Variants in TSN observed in about 807,000 individuals in gnomAD.
TSN encodes translin, also known as component 3 of promoter of RISC.
Under a neutral mutation model 29.4 loss-of-function variants are expected in TSN, and 5 were observed. The observed-to-expected ratio is 0.17, with a 90% CI of 0.09 to 0.36. The LOEUF (loss-of-function observed/expected upper bound fraction) is 0.36. Among genes scored for constraint, TSN ranks in the 10% least tolerant of loss-of-function variants. The probability of loss-of-function intolerance (pLI) is 1.00; values close to 1 mark genes in which losing one functional copy is unlikely to be tolerated. For missense variants in TSN, 159 were observed against 272.8 expected (o/e 0.58, Z 2.94); for synonymous variants, 106 against 102.2 (o/e 1.04, Z -0.23).
chr2:121,757,966 C>A (rs1304524935), intron 2 of TSN, among the ~76,000 whole-genome samples: 1 of 151,792 alleles, frequency 6.6e-6, no homozygotes, highest in Non-Finnish European at 1.5e-5. Flanking sequence ...GCACCTGGCC[C>A]AAGGGTTTGT....
At chr2:121,757,531 C>T (rs2074767663) in intron 2 of TSN, 198 bp downstream of exon 2, 3 of 1,036,242 alleles carry the variant, frequency 2.9e-6, no homozygotes, top group Non-Finnish European at 4.2e-6. Context: ...TTTTCTATTG[C>T]GAGGGCATTC....
intron 4 of TSN, 134 bp downstream of exon 4, chr2:121,761,658 C>G: frequency 1.5e-6 from 1 of 687,790 alleles, no homozygotes. Context: ...AGCTTGGTAT[C>G]TGAGGATGAT....
rs2074913569 is a variant in TSN, at chr2:121,767,194, A to AC, written c.*1827_*1828insC. On this transcript the variant is annotated 3_prime_UTR_variant, in exon 6 of 6. Coordinates refer to ENST00000389682, the MANE Select transcript of TSN (RefSeq NM_004622.3). ...TGGAGAAGCACACTCTGGTCTTGGAATTCCATTTGAGGATTTAGAAGTGTC... is the reference window on the plus strand; with the variant it reads ...TGGAGAAGCACACTCTGGTCTTGGAACTTCCATTTGAGGATTTAGAAGTGTC... The AC allele has an allele frequency of 6.6e-6, 1 of 152,204 alleles. No homozygotes were observed. The highest frequency in any genetic ancestry group is 2.1e-4 in the South Asian group (1 of 4,836). The allele number at this position is 152,204 out of a possible 1,614,324, so 9.4% of individuals were successfully genotyped here.
Position 121,757,270 on chromosome 2 carries a change from C to A in TSN, c.97C>A (p.Gln33Lys). Residue 33 changes from glutamine to lysine, a missense_variant, in exon 2 of 6, where the codon CAA (glutamine) becomes AAA (lysine). Gln to Lys is a moderately conservative substitution (Grantham distance 53). Coordinates refer to ENST00000389682, the MANE Select transcript of TSN (RefSeq NM_004622.3). ...CAGAAAAGTTGTACAGAGTTTAGAA[C>A]AAACAGCTCGAGAGATTTTAACTCT... ...EIRKVVQSLE[Q>K]TAREILTLLQ... 1 of 1,614,078 alleles carries A rather than the reference C, an allele frequency of 6.2e-7. No individual in the cohort carries two copies. The highest frequency in any genetic ancestry group is 8.5e-7 in the Non-Finnish European group (1 of 1,179,984).
intron 4 of TSN, among the ~76,000 whole-genome samples, 155 bp from the exon 5 acceptor site, chr2:121,762,850 A>C (rs1404602754): frequency 6.6e-6 from 1 of 152,252 alleles, no homozygotes; most frequent in Non-Finnish European, 1.5e-5. Context: ...ATCCATAGTG[A>C]GGTCTAGTTG....
intron 3 of TSN, among the ~76,000 whole-genome samples, chr2:121,760,819 A>G (rs1197260037): frequency 6.6e-6 from 1 of 151,440 alleles, no homozygotes; most frequent in Non-Finnish European, 1.5e-5. Flanking sequence ...GATTAAATTT[A>G]GAAGGCACAA....
chr2:121,756,023 C>T (rs1328537726), intron 1 of TSN, 178 bp downstream of exon 1: 43 of 1,323,070 alleles, frequency 3.3e-5, no homozygotes, highest in Non-Finnish European at 4.3e-5. Context: ...CTGCTCTGTC[C>T]TGATTCCCCG....
At chr2:121,760,343 T>C (rs2074807607) in intron 3 of TSN, among the ~76,000 whole-genome samples, 1 of 152,184 alleles carries the variant, frequency 6.6e-6, no homozygotes, top group Non-Finnish European at 1.5e-5. Context: ...TTGTCTTCCA[T>C]GAAACCAGTC....
chr2:121,758,283 C>A (rs1027276981), intron 2 of TSN, among the ~76,000 whole-genome samples: 1 of 152,182 alleles, frequency 6.6e-6, no homozygotes, highest in East Asian at 1.9e-4. Context: ...TTTACACGTG[C>A]CAGAGGCAAG....
In TSN at chr2:121,767,381, A is replaced by C. The variant is rs997684893; in HGVS notation, c.*2014A>C. 6.6e-6 allele frequency: 1 copy of C among 152,180 alleles called. No individual in the cohort carries two copies. Among genetic ancestry groups the C allele is most frequent in the Non-Finnish European group, 1.5e-5 (1 of 68,032 alleles). 9.4% of individuals were successfully genotyped at this position (152,180 alleles called of 1,614,324 possible). A position where few individuals can be genotyped will look rare whatever the true frequency, so the allele number is the denominator to read the frequency against. Reference sequence around the variant, plus strand: ...TAAAGAAGACCGGGGTGACAAGCAGATACTGCTGTGTAATGGTTACACTAA... The same window carrying C: ...TAAAGAAGACCGGGGTGACAAGCAGCTACTGCTGTGTAATGGTTACACTAA... On this transcript the variant is annotated 3_prime_UTR_variant, in exon 6 of 6. Transcript: ENST00000389682.
chr2:121,755,726 T>TC lies in TSN; in HGVS notation c.-52dup. ...TTGATTGCGCTGGTTGCCTGCGGCGTCCACTTCCTTGGCCGCCCTTGCTAC... is the reference window on the plus strand; with the variant it reads ...TTGATTGCGCTGGTTGCCTGCGGCGTCCCACTTCCTTGGCCGCCCTTGCTAC... On this transcript the variant is annotated 5_prime_UTR_variant, in exon 1 of 6. Coordinates refer to ENST00000389682, the MANE Select transcript of TSN (RefSeq NM_004622.3). 3 of 1,604,940 alleles carry TC rather than the reference T, an allele frequency of 1.9e-6. No individual in the cohort carries two copies. Among genetic ancestry groups the TC allele is most frequent in the Non-Finnish European group, 2.6e-6 (3 of 1,176,318 alleles).
At position 121,755,721 on chromosome 2, in the gene TSN, C is replaced by T. The variant is rs978490538; in HGVS notation, c.-59C>T. 6.3e-6 allele frequency: 10 copies of T among 1,599,890 alleles called. No individual in the cohort carries two copies. The highest frequency in any genetic ancestry group is 4.0e-5 in the African/African-American group (3 of 74,750). The stretch of plus-strand genomic sequence containing the variant: ...TGCGATTGATTGCGCTGGTTGCCTG[C>T]GGCGTCCACTTCCTTGGCCGCCCTT... On this transcript the variant is annotated 5_prime_UTR_variant, in exon 1 of 6. Transcript: ENST00000389682.
At chr2:121,759,484 T>C (rs2074792011) in intron 3 of TSN, among the ~76,000 whole-genome samples, 1 of 152,108 alleles carries the variant, frequency 6.6e-6, no homozygotes, top group Non-Finnish European at 1.5e-5. Flanking sequence ...GGCTTATCCC[T>C]GTAACCCCAG....
Position 121,763,102 on chromosome 2 carries a change from C to A in TSN, c.453+18C>A. On this transcript the variant is annotated intron_variant, in intron 5 of 5. Transcript: ENST00000389682. ...GTGAACTGGTAAGCTCAGTAACTTG[C>A]TGGTTGCTTTTTTGATCTTTCTGCT... is the stretch of plus-strand genomic sequence containing the variant. 2 of 1,429,706 alleles carry A rather than the reference C, an allele frequency of 1.4e-6. No individual in the cohort carries two copies. Among genetic ancestry groups the A allele is most frequent in the South Asian group, 1.3e-5 (1 of 78,166 alleles). 88.6% of individuals were successfully genotyped at this position (1,429,706 alleles called of 1,614,324 possible). A position where few individuals can be genotyped will look rare whatever the true frequency, so the allele number is the denominator to read the frequency against.
chr2:121,757,003 C>G (rs1047504044), intron 1 of TSN, among the ~76,000 whole-genome samples: 1 of 152,056 alleles, frequency 6.6e-6, no homozygotes, highest in Non-Finnish European at 1.5e-5. Flanking sequence ...CACACGTCAT[C>G]CATTATAATG....
rs1384792196 is a variant in TSN at position 121,755,748 on chromosome 2, C to T, written c.-32C>T. 1 of 1,612,236 alleles carries T rather than the reference C, an allele frequency of 6.2e-7. No homozygotes were observed. Among genetic ancestry groups the T allele is most frequent in the Non-Finnish European group, 8.5e-7 (1 of 1,179,960 alleles). On this transcript the variant is annotated 5_prime_UTR_variant, in exon 1 of 6. Coordinates refer to ENST00000389682, the MANE Select transcript of TSN (RefSeq NM_004622.3). ...GCGTCCACTTCCTTGGCCGCCCTTGCTACACTGGCTGATTGTTGTGCAGCC... is the reference window on the plus strand; with the variant it reads ...GCGTCCACTTCCTTGGCCGCCCTTGTTACACTGGCTGATTGTTGTGCAGCC...
At chr2:121,762,736 A>C (rs2074849597) in intron 4 of TSN, among the ~76,000 whole-genome samples, 1 of 152,160 alleles carries the variant, frequency 6.6e-6, no homozygotes, top group Non-Finnish European at 1.5e-5. Context: ...ATGCTTTATC[A>C]TGTGCTTTCT....
chr2:121,761,869 G>A (rs575331774), intron 4 of TSN, among the ~76,000 whole-genome samples: 6 of 151,836 alleles, frequency 4.0e-5, no homozygotes, highest in Non-Finnish European at 4.4e-5. Context: ...CCAGGCTGGA[G>A]TGCAGTGGTG....
chr2:121,757,525 C>T (rs2074767599), intron 2 of TSN, 192 bp downstream of exon 2: 1 of 1,121,652 alleles, frequency 8.9e-7, no homozygotes, highest in Non-Finnish European at 1.3e-6. Flanking sequence ...GAGATGTTTT[C>T]TATTGCGAGG....
Sources: gnomAD v4.1 joint callset for allele counts (sites outside exome capture counted in the v4.1 genomes callset) on GRCh38, gnomAD v4.1.1 for gene constraint, MANE v1.5 for transcripts, NCBI Gene and HGNC (gene_info 2026-07-23, HGNC 2026-07-21) for gene names.